GNA14: variants seen among roughly 807,000 people sequenced by gnomAD.
GNA14 encodes G protein subunit alpha 14, also known as guanine nucleotide-binding protein subunit alpha-14.
In GNA14, 50 loss-of-function variants were observed where a neutral mutation model predicts 42.0. The ratio of observed to expected loss-of-function variants is 1.19; its 90% CI spans 0.95 to 1.51. The LOEUF (loss-of-function observed/expected upper bound fraction) is 1.51. Ranked by LOEUF, GNA14 falls within the 40% of genes most tolerant of loss-of-function variation. The pLI is 0.00. For missense variants in GNA14, 473 were observed against 446.2 expected (o/e 1.06, Z -0.54); for synonymous variants, 173 against 163.1 (o/e 1.06, Z -0.46).
chr9:77,475,524 G>A (rs555935171), intron 2 of GNA14, among the ~76,000 whole-genome samples: 15 of 151,972 alleles, frequency 9.9e-5, no homozygotes, highest in Non-Finnish European at 1.6e-4. Context: ...CGGTAAAACA[G>A]TAGAGAGAGC....
At chr9:77,490,376 T>C (rs1306699410) in intron 2 of GNA14, among the ~76,000 whole-genome samples, 1 of 152,196 alleles carries the variant, frequency 6.6e-6, no homozygotes, top group African/African-American at 2.4e-5. Context: ...TCCCGTGCCA[T>C]GCGCTCGCAC....
intron 1 of GNA14, among the ~76,000 whole-genome samples, chr9:77,631,228 T>C (rs892881114): frequency 6.6e-6 from 1 of 152,036 alleles, no homozygotes; most frequent in African/African-American, 2.4e-5. Flanking sequence ...TACCGTCAGG[T>C]TACATCTTCC....
chr9:77,578,583 C>T (rs1196662586), intron 1 of GNA14, among the ~76,000 whole-genome samples: 2 of 152,022 alleles, frequency 1.3e-5, no homozygotes, highest in Non-Finnish European at 2.9e-5. Flanking sequence ...TAGATGAGCA[C>T]CATATGTCTT....
At chr9:77,596,345 TG>T (rs2117902542) in intron 1 of GNA14, among the ~76,000 whole-genome samples, 2 of 152,356 alleles carry the variant, frequency 1.3e-5, no homozygotes, top group African/African-American at 4.8e-5. Flanking sequence ...TGATTTTTTT[TG>T]TTTCTGAAAA....
At chr9:77,499,128 G>A (rs758093106) in intron 2 of GNA14, among the ~76,000 whole-genome samples, 1 of 152,180 alleles carries the variant, frequency 6.6e-6, no homozygotes, top group Non-Finnish European at 1.5e-5. Flanking sequence ...TTAAGGAAAG[G>A]CTAAGTAATT....
At position 77,647,833 on chromosome 9, in the gene GNA14, C is replaced by T. The variant is rs751673982; in HGVS notation, c.-40G>A. ...AGTACCCGACGGGGCGACGCGGCCCCGGGCACCCGAATCCTCGGCCCGGCC... is the reference window on the plus strand; with the variant it reads ...AGTACCCGACGGGGCGACGCGGCCCTGGGCACCCGAATCCTCGGCCCGGCC... On this transcript the variant is annotated 5_prime_UTR_variant, in exon 1 of 7. Transcript: ENST00000341700. The T allele has an allele frequency of 1.3e-6, 2 of 1,587,782 alleles. No individual in the cohort carries two copies. The highest frequency in any genetic ancestry group is 3.5e-5 in the Admixed American group (2 of 57,780).
At chr9:77,625,802 C>T (rs114925347) in intron 1 of GNA14, among the ~76,000 whole-genome samples, 4,054 of 152,142 alleles carry the variant, frequency 0.027, 154 homozygotes, top group African/African-American at 0.08. Context: ...TAAAGAATAA[C>T]GACACTATTA....
chr9:77,425,627 T>G lies in GNA14; in HGVS notation c.812A>C (p.Lys271Thr). The G allele has an allele frequency of 6.2e-7, 1 of 1,608,866 alleles. No individual in the cohort carries two copies. Among genetic ancestry groups the G allele is most frequent in the South Asian group, 1.1e-5 (1 of 90,922 alleles). ...GATTTTCTCTTCCAAAAGATCCTTC[T>G]TGTTCAAGAATAAAATCACAGACGA... ...LNSSVILFLN[K>T]KDLLEEKIMY... Residue 271 changes from lysine (K) to threonine (T), a missense_variant, in exon 6 of 7, where the codon AAG becomes ACG. Transcript: ENST00000341700.
intron 2 of GNA14, among the ~76,000 whole-genome samples, chr9:77,457,279 T>G (rs769642417): frequency 1.3e-5 from 2 of 152,204 alleles, no homozygotes; most frequent in African/African-American, 2.4e-5. Flanking sequence ...AGGCGCATCT[T>G]TGCTGCAACT....
chr9:77,450,574 A>T (rs1835887494), intron 2 of GNA14, among the ~76,000 whole-genome samples: 1 of 152,002 alleles, frequency 6.6e-6, no homozygotes, highest in African/African-American at 2.4e-5. Context: ...CAGCAAAAAA[A>T]ATCTAAGTCA....
chr9:77,638,439 G>T lies in GNA14; in HGVS notation c.124+9231C>A, dbSNP rs142574977. ...GTGATCTGGAAAGGCCTTGTCAAGA[G>T]ATGAACTTTTGAGCTGAGACGTGAA... On this transcript the variant is annotated intron_variant, in intron 1 of 6. Transcript: ENST00000341700. Among the ~76,000 whole-genome samples the T allele has an allele frequency of 3.9e-5, 6 of 152,332 alleles. No individual in the cohort carries two copies. The East Asian group carries it at 1.2e-3, about 29-fold the overall frequency.
chr9:77,568,382 C>A (rs1472569714), intron 1 of GNA14, among the ~76,000 whole-genome samples: 1 of 151,730 alleles, frequency 6.6e-6, no homozygotes, highest in Admixed American at 6.6e-5. Flanking sequence ...ATCCCAGCTA[C>A]TCGGGAGGCT....
chr9:77,514,806 G>T (rs1341166131), intron 2 of GNA14, among the ~76,000 whole-genome samples: 1 of 152,034 alleles, frequency 6.6e-6, no homozygotes, highest in Admixed American at 6.5e-5. Context: ...GTGGAGACGG[G>T]GTTTCACCGT....
intron 1 of GNA14, among the ~76,000 whole-genome samples, chr9:77,619,354 G>C (rs547062083): frequency 6.6e-6 from 1 of 152,222 alleles, no homozygotes; most frequent in South Asian, 2.1e-4. Flanking sequence ...CTACAGGCGC[G>C]TGTCATCCAG....
intron 2 of GNA14, among the ~76,000 whole-genome samples, chr9:77,491,537 C>T (rs946905707): frequency 6.6e-5 from 10 of 152,072 alleles, no homozygotes; most frequent in African/African-American, 2.4e-4. Context: ...AAATAGACTA[C>T]AAATCAAAGA....
intron 1 of GNA14, among the ~76,000 whole-genome samples, chr9:77,604,818 T>G (rs1459407763): frequency 1.3e-5 from 2 of 152,248 alleles, no homozygotes; most frequent in Non-Finnish European, 2.9e-5. Context: ...ACCCCGAAGA[T>G]GCTACCAATG....
intron 1 of GNA14, among the ~76,000 whole-genome samples, chr9:77,572,364 A>T (rs1474335498): frequency 1.3e-5 from 2 of 152,226 alleles, no homozygotes; most frequent in African/African-American, 4.8e-5. Context: ...CAAATCTTCC[A>T]TTCTTCCTTT....
chr9:77,607,575 G>A (rs1404793841), intron 1 of GNA14, among the ~76,000 whole-genome samples: 1 of 152,180 alleles, frequency 6.6e-6, no homozygotes, highest in Non-Finnish European at 1.5e-5. Context: ...GGTTTCCAAG[G>A]AAACCAACTC....
chr9:77,475,932 T>C (rs1462086893), intron 2 of GNA14, among the ~76,000 whole-genome samples: 2 of 152,144 alleles, frequency 1.3e-5, no homozygotes, highest in Non-Finnish European at 2.9e-5. Flanking sequence ...CTTAGCCCCC[T>C]AAAATTGTCA....
Sources: gnomAD v4.1 joint callset for allele counts (sites outside exome capture counted in the v4.1 genomes callset) on GRCh38, gnomAD v4.1.1 for gene constraint, MANE v1.5 for transcripts, NCBI Gene and HGNC (gene_info 2026-07-23, HGNC 2026-07-21) for gene names.